ITGA8: variants seen among roughly 807,000 people sequenced by gnomAD.
ITGA8 encodes the protein integrin alpha-8.
Under a neutral mutation model 142.3 loss-of-function variants are expected in ITGA8, and 91 were observed. The ratio of observed to expected loss-of-function variants is 0.64; its 90% CI spans 0.54 to 0.76. The LOEUF (loss-of-function observed/expected upper bound fraction) is 0.76. Ranked by LOEUF, ITGA8 falls within the 30% of genes least tolerant of loss-of-function variation. The probability of loss-of-function intolerance (pLI) is 0.00; values close to 1 mark genes in which losing one functional copy is unlikely to be tolerated. For missense variants in ITGA8, 1,406 were observed against 1,327.7 expected (o/e 1.06, Z -0.92); for synonymous variants, 505 against 485.2 (o/e 1.04, Z -0.54).
At chr10:15,684,477 A>C (rs1187905562) in intron 3 of ITGA8, among the ~76,000 whole-genome samples, 1 of 151,832 alleles carries the variant, frequency 6.6e-6, no homozygotes, top group Non-Finnish European at 1.5e-5. Flanking sequence ...AGTGATCCTC[A>C]TGCCTGAGCC....
intron 25 of ITGA8, among the ~76,000 whole-genome samples, chr10:15,568,068 T>C (rs537307088): frequency 6.6e-6 from 1 of 152,240 alleles, no homozygotes; most frequent in South Asian, 2.1e-4. Context: ...ACTACAGGCA[T>C]GTGTCATCAT....
At chr10:15,711,776 A>T (rs753526553) in intron 2 of ITGA8, among the ~76,000 whole-genome samples, 2 of 152,180 alleles carry the variant, frequency 1.3e-5, no homozygotes, top group Non-Finnish European at 2.9e-5. Flanking sequence ...TACCCCCCAA[A>T]AAAAGAAAGA....
chr10:15,689,373 A>G (rs531683852), intron 2 of ITGA8, among the ~76,000 whole-genome samples: 28 of 152,306 alleles, frequency 1.8e-4, no homozygotes, highest in African/African-American at 5.8e-4. Context: ...GAAACTCCGG[A>G]TGGCCGCAGA....
chr10:15,629,719 G>C lies in ITGA8; in HGVS notation c.1400-13160C>G, dbSNP rs921485250. Among the ~76,000 whole-genome samples, 17 of 152,040 alleles carry C rather than the reference G, an allele frequency of 1.1e-4. 1 individual carries two copies. The highest frequency in any genetic ancestry group is 4.1e-4 in the African/African-American group (17 of 41,306). On this transcript the variant is annotated intron_variant, in intron 13 of 29. Transcript: ENST00000378076. Reference sequence around the variant, plus strand: ...AGGCAGGTGGATCACTTGAGGTCAGGAGTTTGAGATCAACCTGGCCAACAT... The same window carrying C: ...AGGCAGGTGGATCACTTGAGGTCAGCAGTTTGAGATCAACCTGGCCAACAT...
intron 25 of ITGA8, among the ~76,000 whole-genome samples, chr10:15,571,758 C>T (rs538311959): frequency 1.2e-3 from 179 of 152,218 alleles, no homozygotes; most frequent in Admixed American, 2.4e-3. Context: ...TGGGAGTTCT[C>T]ATGGCCCTTG....
At chr10:15,601,770 A>G (rs753825298) in intron 20 of ITGA8, among the ~76,000 whole-genome samples, 16 of 152,250 alleles carry the variant, frequency 1.1e-4, no homozygotes, top group Non-Finnish European at 2.1e-4. Flanking sequence ...TCAACAAAAC[A>G]ATAGCCAACC....
At chr10:15,703,934 T>A (rs534867607) in intron 2 of ITGA8, among the ~76,000 whole-genome samples, 5 of 152,202 alleles carry the variant, frequency 3.3e-5, no homozygotes, top group Non-Finnish European at 7.3e-5. Context: ...GTTACAGCAC[T>A]TAAGACCAGA....
chr10:15,653,063 A>C (rs1405212566), intron 11 of ITGA8, among the ~76,000 whole-genome samples: 1 of 152,186 alleles, frequency 6.6e-6, no homozygotes, highest in Non-Finnish European at 1.5e-5. Flanking sequence ...GCACACCTTC[A>C]TGATGCAGCT....
chr10:15,638,201 C>G (rs997839547), intron 13 of ITGA8, among the ~76,000 whole-genome samples: 4 of 152,034 alleles, frequency 2.6e-5, no homozygotes, highest in Non-Finnish European at 5.9e-5. Flanking sequence ...AAATATAAAC[C>G]AAACCACCTC....
intron 5 of ITGA8, among the ~76,000 whole-genome samples, chr10:15,678,156 T>C (rs983118410): frequency 6.6e-6 from 1 of 152,194 alleles, no homozygotes; most frequent in Non-Finnish European, 1.5e-5. Context: ...CTCATATCTT[T>C]AACTCTCAGT....
chr10:15,652,713 GA>G (rs1402456145), intron 11 of ITGA8, among the ~76,000 whole-genome samples: 1 of 152,158 alleles, frequency 6.6e-6, no homozygotes, highest in Non-Finnish European at 1.5e-5. Context: ...CTGCTTTCAG[GA>G]TAAGATTGAC....
At chr10:15,582,450 A>C (rs571284473) in intron 23 of ITGA8, among the ~76,000 whole-genome samples, 7 of 152,356 alleles carry the variant, frequency 4.6e-5, no homozygotes, top group Middle Eastern at 3.4e-3. Flanking sequence ...ATTTCATCAA[A>C]CTTTTGCTTC....
intron 27 of ITGA8, among the ~76,000 whole-genome samples, chr10:15,548,235 G>A (rs1445449423): frequency 6.6e-6 from 1 of 151,988 alleles, no homozygotes; most frequent in Non-Finnish European, 1.5e-5. Context: ...GGGACCACTG[G>A]TGTTCACCAC....
intron 21 of ITGA8, among the ~76,000 whole-genome samples, chr10:15,594,722 C>G (rs1362019165): frequency 1.3e-5 from 2 of 152,120 alleles, no homozygotes; most frequent in African/African-American, 2.4e-5. Flanking sequence ...GTGGAGGTTG[C>G]AGTGAGCCGA....
intron 5 of ITGA8, among the ~76,000 whole-genome samples, chr10:15,678,051 C>T (rs1834664875): frequency 6.6e-6 from 1 of 152,070 alleles, no homozygotes; most frequent in Admixed American, 6.6e-5. Flanking sequence ...TTCCATACAT[C>T]CCCAGTGCCA....
chr10:15,605,846 T>A, intron 18 of ITGA8, 55 bp from the exon 19 acceptor site: 1 of 1,512,200 alleles, frequency 6.6e-7, no homozygotes, highest in Non-Finnish European at 9.2e-7. Flanking sequence ...ATTCACATCC[T>A]TTTTCTTGAA....
chr10:15,678,449 T>C (rs1035258445), intron 5 of ITGA8, among the ~76,000 whole-genome samples: 6 of 152,206 alleles, frequency 3.9e-5, no homozygotes, highest in African/African-American at 1.4e-4. Flanking sequence ...AAAAAATTAT[T>C]GCCACAAAGG....
chr10:15,595,431 A>G (rs560554528), intron 21 of ITGA8, among the ~76,000 whole-genome samples: 1 of 152,354 alleles, frequency 6.6e-6, no homozygotes. Flanking sequence ...AAAGAATGAG[A>G]TAAGAAAGCT....
At chr10:15,663,634 T>C (rs1474357535) in intron 8 of ITGA8, among the ~76,000 whole-genome samples, 1 of 151,920 alleles carries the variant, frequency 6.6e-6, no homozygotes, top group Non-Finnish European at 1.5e-5. Flanking sequence ...AGTGGTGCAA[T>C]GATGACTTAC....
Sources: allele counts gnomAD v4.1 joint callset (sites outside exome capture counted in the v4.1 genomes callset), GRCh38; gene constraint gnomAD v4.1.1; transcripts MANE v1.5; gene names NCBI Gene and HGNC (gene_info 2026-07-23, HGNC 2026-07-21).